Variants in KLHL1 observed in about 807,000 individuals in gnomAD.
KLHL1 encodes the protein kelch-like protein 1.
KLHL1 carries 47 observed loss-of-function variants against 77.7 expected under a neutral mutation model. The observed-to-expected ratio is 0.60, with a 90% CI of 0.48 to 0.77. KLHL1 has a LOEUF of 0.77. Ranked by LOEUF, KLHL1 falls within the 30% of genes least tolerant of loss-of-function variation. KLHL1 has a pLI of 0.00. For synonymous variants in KLHL1, 360 were observed against 325.2 expected (o/e 1.11, Z -1.15); for missense variants, 925 against 910.8 (o/e 1.02, Z -0.20).
chr13:69,893,765 G>A (rs1458660059), intron 4 of KLHL1, among the ~76,000 whole-genome samples: 1 of 152,048 alleles, frequency 6.6e-6, no homozygotes, highest in Non-Finnish European at 1.5e-5. Flanking sequence ...CATCCTGGAT[G>A]GTCTCAATTC....
chr13:69,992,062 T>G (rs1372186292), intron 1 of KLHL1, among the ~76,000 whole-genome samples: 1 of 151,992 alleles, frequency 6.6e-6, no homozygotes, highest in East Asian at 1.9e-4. Context: ...GGAGGTTCTG[T>G]TGGATGCTCA....
intron 3 of KLHL1, among the ~76,000 whole-genome samples, chr13:69,943,146 T>A (rs889762445): frequency 6.6e-6 from 1 of 151,946 alleles, no homozygotes; most frequent in South Asian, 2.1e-4. Context: ...CCCTGCTCCA[T>A]CATGATCAAG....
intron 1 of KLHL1, among the ~76,000 whole-genome samples, chr13:69,999,194 C>G (rs942699438): frequency 5.3e-5 from 8 of 151,936 alleles, no homozygotes; most frequent in African/African-American, 1.9e-4. Context: ...AACATAATCA[C>G]AGGATTGTCA....
At chr13:70,049,580 T>A (rs1324608653) in intron 1 of KLHL1, among the ~76,000 whole-genome samples, 1 of 152,220 alleles carries the variant, frequency 6.6e-6, no homozygotes, top group Non-Finnish European at 1.5e-5. Flanking sequence ...TATTACATAC[T>A]AATATAGGCT....
chr13:69,873,715 A>G (rs1485024062), intron 5 of KLHL1, among the ~76,000 whole-genome samples: 1 of 152,186 alleles, frequency 6.6e-6, no homozygotes, highest in Non-Finnish European at 1.5e-5. Flanking sequence ...TACCTATGTA[A>G]CAAACCTGCA....
At chr13:70,052,509 A>T (rs2137393678) in intron 1 of KLHL1, among the ~76,000 whole-genome samples, 1 of 152,068 alleles carries the variant, frequency 6.6e-6, no homozygotes, top group East Asian at 1.9e-4. Flanking sequence ...TATCAAAATG[A>T]GGCCTTCTTA....
intron 5 of KLHL1, among the ~76,000 whole-genome samples, chr13:69,869,987 TTTTG>T (rs1880518630): frequency 6.6e-6 from 1 of 152,252 alleles, no homozygotes; most frequent in South Asian, 2.1e-4. Flanking sequence ...CTGCAGGGTG[TTTTG>T]TTTATTTGTT....
chr13:69,837,632 A>C lies in KLHL1; in HGVS notation c.1414+1344T>G, dbSNP rs188218273. Among the ~76,000 whole-genome samples, 103 of 135,456 alleles carry C rather than the reference A, an allele frequency of 7.6e-4. 1 individual carries two copies. The highest frequency in any genetic ancestry group is 1.8e-3 in the Admixed American group (24 of 13,658). The allele number at this position is 135,456 out of a possible 152,430, so 88.9% of individuals were successfully genotyped here. On this transcript the variant is annotated intron_variant, in intron 6 of 10. Transcript: ENST00000377844. Reference sequence around the variant, plus strand: ...TCTCTCTCTATATATATGTGTGTGTATATATATATATGTGTATATATATAT... The same window carrying C: ...TCTCTCTCTATATATATGTGTGTGTCTATATATATATGTGTATATATATAT...
rs1593697892 is a variant in KLHL1 at position 70,042,486 on chromosome 13, C to A, written c.497+64717G>T. On this transcript the variant is annotated intron_variant, in intron 1 of 10. Transcript: ENST00000377844. ...ATAAGATTATAATGGAGCTGAAAAA[C>A]TGCTATCACCTGGTGACACTGAAGC... Among the ~76,000 whole-genome samples the A allele has an allele frequency of 3.3e-5, 5 of 152,102 alleles. No individual in the cohort carries two copies. In the South Asian group the frequency reaches 1.0e-3, roughly 32 times the overall value.
chr13:70,012,868 A>C (rs966644174), intron 1 of KLHL1, among the ~76,000 whole-genome samples: 1 of 151,572 alleles, frequency 6.6e-6, no homozygotes, highest in Non-Finnish European at 1.5e-5. Context: ...TCGCCCCTGC[A>C]CTCCAGCCTG....
At chr13:69,862,241 C>A (rs886177405) in intron 5 of KLHL1, among the ~76,000 whole-genome samples, 1 of 151,182 alleles carries the variant, frequency 6.6e-6, no homozygotes, top group Non-Finnish European at 1.5e-5. Flanking sequence ...AATACAGTTC[C>A]CATTCATAAT....
At chr13:69,917,339 TAGGAG>T (rs1013965183) in intron 4 of KLHL1, among the ~76,000 whole-genome samples, 2 of 152,058 alleles carry the variant, frequency 1.3e-5, no homozygotes, top group African/African-American at 4.8e-5. Flanking sequence ...TATGAAGTGA[TAGGAG>T]AGAATTTTTA....
At chr13:69,786,961 C>T (rs765053067) in intron 7 of KLHL1, among the ~76,000 whole-genome samples, 2 of 152,098 alleles carry the variant, frequency 1.3e-5, no homozygotes, top group Non-Finnish European at 2.9e-5. Flanking sequence ...ATGTGAAGGA[C>T]CTCTTCAAGG....
rs376386321 is a variant in KLHL1, at chr13:70,068,258, G to A, written c.497+38945C>T. The stretch of plus-strand genomic sequence containing the variant: ...CGGGAGGCTGAGGCAGGAGAATGGC[G>A]TGAACCCGGGAGGCGGAGCTTGCAG... On this transcript the variant is annotated intron_variant, in intron 1 of 10. Coordinates refer to ENST00000377844, the MANE Select transcript of KLHL1 (RefSeq NM_020866.3). 9.5e-3 allele frequency among the ~76,000 whole-genome samples: 1,438 copies of A among 151,944 alleles called. 14 individuals are homozygous for A. Among genetic ancestry groups the A allele is most frequent in the African/African-American group, 0.032 (1,327 of 41,450 alleles).
chr13:70,044,355 A>C (rs1886446841), intron 1 of KLHL1, among the ~76,000 whole-genome samples: 1 of 152,332 alleles, frequency 6.6e-6, no homozygotes, highest in Admixed American at 6.5e-5. Flanking sequence ...CTTATCAGCC[A>C]GTCTGTCTAG....
chr13:70,057,594 G>A (rs1203726928), intron 1 of KLHL1, among the ~76,000 whole-genome samples: 3 of 149,934 alleles, frequency 2.0e-5, no homozygotes, highest in African/African-American at 4.9e-5. Context: ...GGCTAACAAG[G>A]TGAAACCCCA....
In KLHL1 at chr13:70,017,468, C is replaced by T. The variant is rs143726949; in HGVS notation, c.498-41666G>A. The stretch of plus-strand genomic sequence containing the variant: ...TTGTGCTGGTACCTGGAGCTGCCCA[C>T]TCTGCTGCAGCAACTAGTGTGCCTA... On this transcript the variant is annotated intron_variant, in intron 1 of 10. Coordinates refer to ENST00000377844, the MANE Select transcript of KLHL1 (RefSeq NM_020866.3). 4.6e-5 allele frequency among the ~76,000 whole-genome samples: 7 copies of T among 152,356 alleles called. No individual in the cohort carries two copies. In the East Asian group the frequency reaches 1.4e-3, roughly 29 times the overall value.
intron 1 of KLHL1, among the ~76,000 whole-genome samples, chr13:70,047,398 T>TG (rs1886527743): frequency 7.2e-6 from 1 of 137,966 alleles, no homozygotes; most frequent in Non-Finnish European, 1.6e-5. Context: ...TGGAAATCTG[T>TG]TTGTGTGTGT....
At chr13:69,998,990 C>T (rs1263010083) in intron 1 of KLHL1, among the ~76,000 whole-genome samples, 1 of 151,972 alleles carries the variant, frequency 6.6e-6, no homozygotes, top group Non-Finnish European at 1.5e-5. Flanking sequence ...TCTAGAGGTC[C>T]TAGAGGTCAC....
Sources: allele counts gnomAD v4.1 joint callset (sites outside exome capture counted in the v4.1 genomes callset), GRCh38; gene constraint gnomAD v4.1.1; transcripts MANE v1.5; gene names NCBI Gene and HGNC (gene_info 2026-07-23, HGNC 2026-07-21).